The following ODAD2 variants were observed in gnomAD, a reference collection of about 807,000 sequenced individuals.
ODAD2 encodes the protein outer dynein arm-docking complex subunit 2.
ODAD2 carries 89 observed loss-of-function variants against 106.8 expected under a neutral mutation model. The observed-to-expected ratio is 0.83, with a 90% confidence interval of 0.70 to 0.99. The LOEUF is 0.99. ODAD2 is among the 50% of genes least tolerant of loss of function. ODAD2 has a pLI of 0.00. For synonymous variants in ODAD2, 404 were observed against 436.2 expected (o/e 0.93, Z 0.92); for missense variants, 1,168 against 1,238.5 (o/e 0.94, Z 0.85).
At chr10:27,955,544 AG>A (rs1384808542) in intron 10 of ODAD2, among the ~76,000 whole-genome samples, 2 of 152,164 alleles carry the variant, frequency 1.3e-5, no homozygotes, top group Non-Finnish European at 2.9e-5. Context: ...CAATGAAACA[AG>A]GATCAAACTA....
chr10:27,867,838 A>G (rs886909513), intron 17 of ODAD2, among the ~76,000 whole-genome samples: 2 of 151,912 alleles, frequency 1.3e-5, no homozygotes, highest in East Asian at 1.9e-4. Context: ...AATCCCAGCT[A>G]TTTGGGAGGC....
At position 27,939,877 on chromosome 10, in the gene ODAD2, G is replaced by T. The variant is rs764297273; in HGVS notation, c.2097+20C>A. 6.7e-6 allele frequency: 10 copies of T among 1,503,162 alleles called. No individual in the cohort carries two copies. In the African/African-American group the frequency reaches 1.4e-4, roughly 21 times the overall value. 93.1% of individuals were successfully genotyped at this position (1,503,162 alleles called of 1,614,324 possible). On this transcript the variant is annotated intron_variant, in intron 14 of 19. Transcript: ENST00000305242. ...TATGTGAGAAAGAACGCCAACAACC[G>T]CTGGGAGAGTTCACTGCACCTGGTA...
At chr10:27,885,700 A>G (rs1468627049) in intron 17 of ODAD2, among the ~76,000 whole-genome samples, 1 of 57,368 alleles carries the variant, frequency 1.7e-5, no homozygotes, top group Non-Finnish European at 3.1e-5. Context: ...TATATAATAT[A>G]TATAAAATAT....
At chr10:27,914,900 AC>A (rs1001727709) in intron 16 of ODAD2, among the ~76,000 whole-genome samples, 11 of 152,018 alleles carry the variant, frequency 7.2e-5, no homozygotes, top group Non-Finnish European at 1.0e-4. Context: ...GAAAAGCCTG[AC>A]CTTTTCTCTT....
At chr10:27,925,238 A>G (rs1845175041) in intron 16 of ODAD2, among the ~76,000 whole-genome samples, 1 of 152,224 alleles carries the variant, frequency 6.6e-6, no homozygotes, top group Non-Finnish European at 1.5e-5. Context: ...AAAATGCATT[A>G]ATAATTCCCT....
intron 7 of ODAD2, among the ~76,000 whole-genome samples, 182 bp downstream of exon 7, chr10:27,981,284 T>G (rs932607904): frequency 1.3e-5 from 2 of 152,094 alleles, no homozygotes; most frequent in Non-Finnish European, 2.9e-5. Flanking sequence ...ATTAATGCCA[T>G]TGAACCCTGA....
intron 16 of ODAD2, among the ~76,000 whole-genome samples, chr10:27,918,192 G>A (rs1243537332): frequency 2.6e-5 from 4 of 151,808 alleles, no homozygotes; most frequent in African/African-American, 7.2e-5. Context: ...GCATAAACCT[G>A]ATACTAACAC....
intron 16 of ODAD2, among the ~76,000 whole-genome samples, chr10:27,933,057 A>C (rs1479798871): frequency 1.3e-5 from 2 of 152,144 alleles, no homozygotes; most frequent in Non-Finnish European, 2.9e-5. Context: ...GGAGTTCAAG[A>C]CTAACTTGGG....
chr10:27,991,482 A>C (rs1850235888), intron 2 of ODAD2, among the ~76,000 whole-genome samples: 1 of 152,230 alleles, frequency 6.6e-6, no homozygotes, highest in South Asian at 2.1e-4. Flanking sequence ...GATTCTCATT[A>C]GCCTAATCAG....
At chr10:27,850,658 A>C (rs922839088) in intron 19 of ODAD2, among the ~76,000 whole-genome samples, 1 of 152,160 alleles carries the variant, frequency 6.6e-6, no homozygotes, top group Admixed American at 6.5e-5. Context: ...GAAAATATCA[A>C]AAGAAAAGAC....
intron 19 of ODAD2, among the ~76,000 whole-genome samples, chr10:27,847,014 T>C (rs1838823216): frequency 6.6e-6 from 1 of 152,200 alleles, no homozygotes; most frequent in Non-Finnish European, 1.5e-5. Flanking sequence ...GCGGGGACCA[T>C]TCCTTCTGAA....
At chr10:27,939,670 TGAAG>T (rs1329044173) in intron 14 of ODAD2, among the ~76,000 whole-genome samples, 1 of 151,818 alleles carries the variant, frequency 6.6e-6, no homozygotes, top group African/African-American at 2.4e-5. Flanking sequence ...CCCAGGAGAT[TGAAG>T]TGACAGTGAG....
rs999922483 is a variant in ODAD2, at chr10:27,862,697, A to G, written c.2611-75T>C. 3.7e-6 allele frequency: 4 copies of G among 1,091,238 alleles called. No individual in the cohort carries two copies. In the Admixed American group the frequency reaches 7.7e-5, roughly 21 times the overall value. 67.6% of individuals were successfully genotyped at this position (1,091,238 alleles called of 1,614,324 possible). ...GGCATTTTTTAAGAGGCAGAAAGTA[A>G]CAATACAGCTGTGAGGTACATCTTT... On this transcript the variant is annotated intron_variant, in intron 17 of 19. Transcript: ENST00000305242.
At chr10:27,842,791 G>T (rs905440317) in intron 19 of ODAD2, among the ~76,000 whole-genome samples, 1 of 152,126 alleles carries the variant, frequency 6.6e-6, no homozygotes, top group Non-Finnish European at 1.5e-5. Flanking sequence ...CATCTGGCAT[G>T]AAATCAATGG....
chr10:27,853,694 A>C (rs1325844846), intron 19 of ODAD2, among the ~76,000 whole-genome samples: 2 of 152,296 alleles, frequency 1.3e-5, no homozygotes, highest in African/African-American at 4.8e-5. Flanking sequence ...TTTTTCAATA[A>C]ATAATGCTAA....
intron 10 of ODAD2, among the ~76,000 whole-genome samples, chr10:27,947,543 G>C (rs1847022325): frequency 6.6e-6 from 1 of 152,028 alleles, no homozygotes; most frequent in Non-Finnish European, 1.5e-5. Flanking sequence ...CAAAAAGAAA[G>C]AACAAAGAAA....
chr10:27,982,017 G>A (rs553703952), intron 6 of ODAD2: 1 of 152,732 alleles, frequency 6.5e-6, no homozygotes, highest in Admixed American at 6.5e-5. Flanking sequence ...CTGTTCTTCT[G>A]TCTGTGGCAT....
intron 10 of ODAD2, among the ~76,000 whole-genome samples, chr10:27,951,999 G>A (rs892594329): frequency 4.1e-5 from 6 of 147,342 alleles, no homozygotes; most frequent in African/African-American, 1.2e-4. Context: ...TGCTTGAACT[G>A]GGGAGGCAGA....
chr10:27,834,623 G>A (rs2133042567), intron 19 of ODAD2, among the ~76,000 whole-genome samples: 1 of 152,312 alleles, frequency 6.6e-6, no homozygotes. Context: ...GGAGAGGCAG[G>A]CAGGGGGCAG....
Sources: allele counts gnomAD v4.1 joint callset (sites outside exome capture counted in the v4.1 genomes callset), GRCh38; gene constraint gnomAD v4.1.1; transcripts MANE v1.5; gene names NCBI Gene and HGNC (gene_info 2026-07-23, HGNC 2026-07-21).